The following C10orf143 variants were observed in gnomAD, a reference collection of about 807,000 sequenced individuals.
C10orf143 encodes the protein uncharacterized protein C10orf143.
At chr10:130,102,607 A>C (rs937857406) in intron 1 of C10orf143, among the ~76,000 whole-genome samples, 1 of 152,088 alleles carries the variant, frequency 6.6e-6, no homozygotes, top group Non-Finnish European at 1.5e-5. Context: ...ATCCTTAATA[A>C]TTTTCTTCAT....
chr10:130,041,527 A>G (rs1214128248), intron 3 of C10orf143, among the ~76,000 whole-genome samples: 1 of 152,248 alleles, frequency 6.6e-6, no homozygotes, highest in East Asian at 1.9e-4. Flanking sequence ...TTTTTAAAAC[A>G]TGTTGCCAAC....
At chr10:130,040,875 A>G (rs1860598987) in intron 3 of C10orf143, among the ~76,000 whole-genome samples, 1 of 148,080 alleles carries the variant, frequency 6.8e-6, no homozygotes, top group Admixed American at 6.9e-5. Context: ...GGCAGGGCCT[A>G]TGGCTCAGTG....
chr10:130,103,849 G>C (rs185565572), intron 1 of C10orf143, among the ~76,000 whole-genome samples: 74 of 145,506 alleles, frequency 5.1e-4, no homozygotes, highest in Non-Finnish European at 4.7e-4. Context: ...GAAGGATCTT[G>C]AATCAACTCA....
At chr10:130,105,217 T>G (rs1406094480) in intron 1 of C10orf143, among the ~76,000 whole-genome samples, 1 of 152,110 alleles carries the variant, frequency 6.6e-6, no homozygotes, top group Non-Finnish European at 1.5e-5. Flanking sequence ...CATGAGCCAC[T>G]GCGCCCGGCC....
rs1861597986 is a variant in C10orf143, at chr10:130,103,870, G to GC, written c.69+6833_69+6834insG. The stretch of plus-strand genomic sequence containing the variant: ...TCTTGAATCAACTCATATGACACCA[G>GC]AAAAAAAAAATATTATCGACTTGAT... On this transcript the variant is annotated intron_variant, in intron 1 of 3. Transcript: ENST00000637128. 8.7e-5 allele frequency among the ~76,000 whole-genome samples: 13 copies of GC among 150,216 alleles called. 1 individual carries two copies. The South Asian group carries it at 2.7e-3, about 32-fold the overall frequency.
chr10:130,107,141 AAC>A, intron 1 of C10orf143: 5 of 1,601,496 alleles, frequency 3.1e-6, no homozygotes, highest in Non-Finnish European at 4.3e-6. Context: ...GCAGTCAGAA[AAC>A]ACACATTTTG....
rs1406578384 is a variant in C10orf143 at position 130,077,945 on chromosome 10, A to G, written c.297+1621T>C. Reference sequence around the variant, plus strand: ...AACGCCCAAGCCTGGGTGAAATTTTATTGAGAATAACTACAAATAAAAGGA... The same window carrying G: ...AACGCCCAAGCCTGGGTGAAATTTTGTTGAGAATAACTACAAATAAAAGGA... On this transcript the variant is annotated intron_variant, in intron 3 of 3. Transcript: ENST00000637128. Among the ~76,000 whole-genome samples the G allele has an allele frequency of 2.0e-5, 3 of 152,360 alleles. No homozygotes were observed. The East Asian group carries it at 5.8e-4, about 29-fold the overall frequency.
chr10:130,070,202 T>C (rs1861007626), intron 3 of C10orf143, among the ~76,000 whole-genome samples: 2 of 152,242 alleles, frequency 1.3e-5, no homozygotes, highest in African/African-American at 2.4e-5. Context: ...GGGAGCTTTT[T>C]GATAACCTTC....
At chr10:130,036,975 C>T (rs1404441603) in intron 3 of C10orf143, among the ~76,000 whole-genome samples, 1 of 152,314 alleles carries the variant, frequency 6.6e-6, no homozygotes, top group East Asian at 1.9e-4. Flanking sequence ...GTGGACCCTG[C>T]AGCAACTGGG....
chr10:130,062,530 C>T (rs1174943264), downstream of C10orf143, among the ~76,000 whole-genome samples: 1 of 152,158 alleles, frequency 6.6e-6, no homozygotes, highest in Non-Finnish European at 1.5e-5. Context: ...ACATCGAACT[C>T]CAAGTTCTTC....
chr10:130,107,730 A>G (rs1861680830), intron 1 of C10orf143: 1 of 1,241,058 alleles, frequency 8.1e-7, no homozygotes, highest in Admixed American at 1.7e-5. Context: ...GGCCCAGGGA[A>G]TCCTCTGGAC....
At chr10:130,084,635 C>T (rs895876533) in intron 1 of C10orf143, among the ~76,000 whole-genome samples, 1 of 131,786 alleles carries the variant, frequency 7.6e-6, no homozygotes, top group Non-Finnish European at 1.6e-5. Context: ...GTGTGAGTTA[C>T]TGTGTGTGCA....
At chr10:130,054,128 A>G (rs954174180) in intron 3 of C10orf143, among the ~76,000 whole-genome samples, 12 of 152,178 alleles carry the variant, frequency 7.9e-5, no homozygotes, top group Non-Finnish European at 1.5e-5. Context: ...TCGGGAACCC[A>G]TGCATCTGCC....
At chr10:130,050,953 C>T (rs1860730185) in intron 3 of C10orf143, among the ~76,000 whole-genome samples, 1 of 152,182 alleles carries the variant, frequency 6.6e-6, no homozygotes, top group Non-Finnish European at 1.5e-5. Flanking sequence ...GGAGGGACCA[C>T]TGAGCTGTTA....
At chr10:130,102,928 C>A (rs1301375497) in intron 1 of C10orf143, among the ~76,000 whole-genome samples, 1 of 150,956 alleles carries the variant, frequency 6.6e-6, no homozygotes, top group Non-Finnish European at 1.5e-5. Flanking sequence ...TTATCTATTG[C>A]ATCTTTATAT....
intron 1 of C10orf143, among the ~76,000 whole-genome samples, chr10:130,097,877 A>AG (rs2134800626): frequency 6.6e-6 from 1 of 152,334 alleles, no homozygotes; most frequent in East Asian, 1.9e-4. Flanking sequence ...AGAGAAAGTC[A>AG]GTCAGTGGTT....
chr10:130,100,955 C>T (rs1408013555), intron 1 of C10orf143: 4 of 152,000 alleles, frequency 2.6e-5, no homozygotes, highest in Non-Finnish European at 5.9e-5. Flanking sequence ...TGGTGGCTTA[C>T]ATCTATAATC....
chr10:130,100,053 G>A (rs1321998912), intron 1 of C10orf143, among the ~76,000 whole-genome samples: 1 of 151,374 alleles, frequency 6.6e-6, no homozygotes, highest in Admixed American at 6.6e-5. Context: ...GGCCAGGCTA[G>A]TCTCGAACTC....
chr10:130,092,391 T>G (rs1264290706), intron 1 of C10orf143, among the ~76,000 whole-genome samples: 1 of 152,166 alleles, frequency 6.6e-6, no homozygotes, highest in African/African-American at 2.4e-5. Flanking sequence ...CCACCAGGCC[T>G]ACCTTACAAA....
Sources: allele counts gnomAD v4.1 joint callset (sites outside exome capture counted in the v4.1 genomes callset), GRCh38; gene constraint gnomAD v4.1.1; transcripts MANE v1.5; gene names NCBI Gene and HGNC (gene_info 2026-07-23, HGNC 2026-07-21).